Variants in GRM7 observed in about 807,000 individuals in gnomAD.
GRM7 encodes metabotropic glutamate receptor 7.
In GRM7, 35 loss-of-function variants were observed where a neutral mutation model predicts 84.5. The observed-to-expected ratio is 0.41, with a 90% CI of 0.32 to 0.55. The LOEUF (loss-of-function observed/expected upper bound fraction) is 0.55, where lower values mean the gene tolerates loss of function less well. Ranked by LOEUF, GRM7 falls within the 20% of genes least tolerant of loss-of-function variation. The probability of loss-of-function intolerance (pLI) is 0.19; values close to 1 mark genes in which losing one functional copy is unlikely to be tolerated. For missense variants in GRM7, 1,003 were observed against 1,194.6 expected (o/e 0.84, Z 2.36); for synonymous variants, 487 against 455.1 (o/e 1.07, Z -0.89).
At chr3:7,646,707 T>C (rs1458461933) in intron 8 of GRM7, among the ~76,000 whole-genome samples, 3 of 152,192 alleles carry the variant, frequency 2.0e-5, no homozygotes, top group Non-Finnish European at 4.4e-5. Flanking sequence ...GGGAAGGTTA[T>C]ATGTATATGT....
intron 7 of GRM7, among the ~76,000 whole-genome samples, chr3:7,511,956 A>C (rs564575499): frequency 4.1e-4 from 62 of 152,250 alleles, no homozygotes; most frequent in African/African-American, 1.5e-3. Flanking sequence ...AGCCTGGGCC[A>C]CATAGTGAGA....
rs186034970 is a variant in GRM7, at chr3:7,639,430, T to C, written c.2452-40619T>C. Reference sequence around the variant, plus strand: ...TCTCCCATTAATATATTGCAAGTATTTCCTTTCACAACTGCCCTGAAAGTG... The same window carrying C: ...TCTCCCATTAATATATTGCAAGTATCTCCTTTCACAACTGCCCTGAAAGTG... On this transcript the variant is annotated intron_variant, in intron 8 of 9. Coordinates refer to ENST00000357716, the MANE Select transcript of GRM7 (RefSeq NM_000844.4). Among the ~76,000 whole-genome samples the C allele has an allele frequency of 2.0e-5, 3 of 152,314 alleles. No individual in the cohort carries two copies. The East Asian group carries it at 5.8e-4, about 29-fold the overall frequency.
chr3:7,347,927 T>A (rs1236212665), intron 4 of GRM7, among the ~76,000 whole-genome samples: 1 of 152,176 alleles, frequency 6.6e-6, no homozygotes, highest in African/African-American at 2.4e-5. Flanking sequence ...ATTGTGAGTT[T>A]ACAGCAAAGC....
At chr3:7,401,007 T>C (rs1695425914) in intron 4 of GRM7, among the ~76,000 whole-genome samples, 1 of 152,176 alleles carries the variant, frequency 6.6e-6, no homozygotes. Flanking sequence ...GTATTGTTTT[T>C]ATTTTCTTAT....
chr3:7,219,164 G>A lies in GRM7; in HGVS notation c.736+72496G>A, dbSNP rs116267736. 3.0e-3 allele frequency among the ~76,000 whole-genome samples: 456 copies of A among 152,016 alleles called. 1 individual carries two copies. Among genetic ancestry groups the A allele is most frequent in the African/African-American group, 0.01 (424 of 41,476 alleles). On this transcript the variant is annotated intron_variant, in intron 2 of 9. Transcript: ENST00000357716. ...TGAGGAGATGCTTTGTTTTTTTCCC[G>A]ACTGCTAAATTTCCTACCTTAGTTA...
intron 4 of GRM7, among the ~76,000 whole-genome samples, chr3:7,367,097 T>C (rs1693926259): frequency 6.6e-6 from 1 of 151,742 alleles, no homozygotes; most frequent in Non-Finnish European, 1.5e-5. Context: ...TAGAGTTGGT[T>C]TGTCAATTTT....
chr3:7,015,381 T>A (rs985137530), intron 1 of GRM7, among the ~76,000 whole-genome samples: 5 of 152,154 alleles, frequency 3.3e-5, no homozygotes, highest in African/African-American at 1.2e-4. Flanking sequence ...GATGAATGAA[T>A]GTGAGAGTGA....
intron 7 of GRM7, among the ~76,000 whole-genome samples, chr3:7,469,421 T>C (rs1698603266): frequency 6.6e-6 from 1 of 152,192 alleles, no homozygotes; most frequent in African/African-American, 2.4e-5. Flanking sequence ...TTTCAGTTGA[T>C]TTTTTTATTT....
At chr3:7,252,819 G>A (rs1418307714) in intron 2 of GRM7, among the ~76,000 whole-genome samples, 5 of 151,200 alleles carry the variant, frequency 3.3e-5, no homozygotes, top group Non-Finnish European at 1.5e-5. Flanking sequence ...CTCCAGAGTA[G>A]CTGCGACTAT....
intron 2 of GRM7, among the ~76,000 whole-genome samples, chr3:7,217,106 A>G (rs1696639701): frequency 6.6e-6 from 1 of 152,218 alleles, no homozygotes; most frequent in Non-Finnish European, 1.5e-5. Context: ...ATAAGCAAAA[A>G]AGACAAAATG....
At chr3:7,398,150 A>G (rs926705907) in intron 4 of GRM7, among the ~76,000 whole-genome samples, 7 of 152,206 alleles carry the variant, frequency 4.6e-5, no homozygotes, top group Non-Finnish European at 8.8e-5. Context: ...TTGAGGGACT[A>G]TAAGTAAATT....
chr3:7,397,962 A>G (rs1695283351), intron 4 of GRM7, among the ~76,000 whole-genome samples: 1 of 152,092 alleles, frequency 6.6e-6, no homozygotes, highest in African/African-American at 2.4e-5. Context: ...ACGTGGATGC[A>G]CCCAAGTTAA....
intron 1 of GRM7, among the ~76,000 whole-genome samples, chr3:7,034,119 G>C (rs1258386363): frequency 6.6e-6 from 1 of 152,098 alleles, no homozygotes; most frequent in Non-Finnish European, 1.5e-5. Flanking sequence ...GGTAGGCTAA[G>C]GGAAAAAATA....
chr3:7,554,308 A>G (rs1330396435), intron 7 of GRM7, among the ~76,000 whole-genome samples: 1 of 152,152 alleles, frequency 6.6e-6, no homozygotes, highest in East Asian at 1.9e-4. Context: ...GTGTATGCCC[A>G]TTCACTTTGT....
intron 2 of GRM7, among the ~76,000 whole-genome samples, chr3:7,264,886 C>T (rs1698577792): frequency 1.3e-5 from 2 of 152,218 alleles, no homozygotes; most frequent in Admixed American, 1.3e-4. Flanking sequence ...TGCATTACAC[C>T]TTCCTGCTAT....
intron 4 of GRM7, among the ~76,000 whole-genome samples, chr3:7,376,865 A>G (rs986404998): frequency 1.3e-5 from 2 of 152,288 alleles, no homozygotes; most frequent in African/African-American, 4.8e-5. Context: ...TTTCTGTACA[A>G]TATGGGATAT....
chr3:7,580,006 G>A (rs1415472831), intron 8 of GRM7, among the ~76,000 whole-genome samples: 1 of 152,212 alleles, frequency 6.6e-6, no homozygotes, highest in Non-Finnish European at 1.5e-5. Flanking sequence ...TTCTAAAAGA[G>A]GAAGAGTCAA....
chr3:6,936,512 T>G (rs1697699722), intron 1 of GRM7, among the ~76,000 whole-genome samples: 1 of 152,234 alleles, frequency 6.6e-6, no homozygotes, highest in Non-Finnish European at 1.5e-5. Context: ...CTCTTCTATT[T>G]TTTTGAGTTC....
At chr3:7,639,805 C>T (rs1458350117) in intron 8 of GRM7, among the ~76,000 whole-genome samples, 2 of 152,054 alleles carry the variant, frequency 1.3e-5, no homozygotes, top group South Asian at 2.1e-4. Context: ...AACTGTCGCC[C>T]ACAACAAGAT....
Sources: gnomAD v4.1 joint callset for allele counts (sites outside exome capture counted in the v4.1 genomes callset) on GRCh38, gnomAD v4.1.1 for gene constraint, MANE v1.5 for transcripts, NCBI Gene and HGNC (gene_info 2026-07-23, HGNC 2026-07-21) for gene names.